Variants in GPM6B observed in about 807,000 individuals in gnomAD.
GPM6B encodes the protein neuronal membrane glycoprotein M6-b.
In GPM6B, 4 loss-of-function variants were observed where a neutral mutation model predicts 27.2. That is an observed-to-expected ratio of 0.15 (90% CI 0.07 to 0.34). The LOEUF (loss-of-function observed/expected upper bound fraction) is 0.34, where lower values mean the gene tolerates loss of function less well. GPM6B is among the 10% of genes least tolerant of loss of function. The pLI is 1.00. For synonymous variants in GPM6B, 124 were observed against 103.1 expected, an observed-to-expected ratio of 1.20 and a Z score of -1.23; for missense variants, 183 against 261.9, an observed-to-expected ratio of 0.70 and a Z score of 2.08.
chrX:13,919,825 G>T (rs2050461066), intron 1 of GPM6B, among the ~76,000 whole-genome samples: 2 of 111,682 alleles, frequency 1.8e-5, no homozygotes, highest in Admixed American at 1.9e-4. Context: ...GAGAAACTGG[G>T]GGATGAGTCT....
chrX:13,826,522 T>C (rs1375934157), intron 1 of GPM6B, among the ~76,000 whole-genome samples: 1 of 108,612 alleles, frequency 9.2e-6, no homozygotes, highest in Non-Finnish European at 1.9e-5. Flanking sequence ...CTGGGCAACA[T>C]AGAAAGACCC....
At chrX:13,827,215 G>A (rs902777130) in intron 1 of GPM6B, among the ~76,000 whole-genome samples, 14 of 108,047 alleles carry the variant, frequency 1.3e-4, no homozygotes, top group Non-Finnish European at 2.3e-4. Flanking sequence ...CCTCCTGAAA[G>A]GCACGGGCTA....
chrX:13,886,719 TAA>T (rs5901522), intron 1 of GPM6B, among the ~76,000 whole-genome samples: 4 of 35,097 alleles, frequency 1.1e-4, no homozygotes, highest in Admixed American at 5.9e-4. Flanking sequence ...AAGTCACTAC[TAA>T]AAAAAAAAAA....
At chrX:13,784,214 G>A (rs764502417) in intron 3 of GPM6B, among the ~76,000 whole-genome samples, 1 of 112,823 alleles carries the variant, frequency 8.9e-6, no homozygotes, top group South Asian at 3.7e-4. Flanking sequence ...CCTGGATCCC[G>A]CCCCCAGAGA....
rs1366847981 is a variant in GPM6B, at chrX:13,890,678, G to A, written c.-198+47649C>T. On this transcript the variant is annotated intron_variant, in intron 1 of 6. Coordinates refer to the GPM6B transcript ENST00000398361. ...GTGGGGAGCTGTTGCACTGTAGGAT[G>A]TTTAGTAGCACCCCTGGACTCTATC... Among the ~76,000 whole-genome samples the A allele has an allele frequency of 4.5e-5, 5 of 110,864 alleles. No homozygotes were observed. The Admixed American group carries it at 4.8e-4, about 11-fold the overall frequency.
At chrX:13,860,380 T>C (rs1219764000) in intron 1 of GPM6B, among the ~76,000 whole-genome samples, 2 of 109,227 alleles carry the variant, frequency 1.8e-5, no homozygotes, top group East Asian at 5.8e-4. Context: ...GTATAAGAAA[T>C]GGCTCCCATG....
rs749652888 is a variant in GPM6B, at chrX:13,788,536, C to G, written c.182-2728G>C. On this transcript the variant is annotated intron_variant, in intron 2 of 7. Coordinates refer to ENST00000316715, the MANE Select transcript of GPM6B (RefSeq NM_001001995.3). ...CCAGATAAAATTGTTCATTAATTCT[C>G]TGTGTGTATATATAGATGTATACAT... is the stretch of plus-strand genomic sequence containing the variant. 1.4e-3 allele frequency among the ~76,000 whole-genome samples: 156 copies of G among 109,148 alleles called. 1 individual carries two copies. The highest frequency in any genetic ancestry group is 3.2e-3 in the South Asian group (8 of 2,486). 94.8% of individuals were successfully genotyped at this position (109,148 alleles called of 115,157 possible). A position where few individuals can be genotyped will look rare whatever the true frequency, so the allele number is the denominator to read the frequency against.
chrX:13,801,181 G>A (rs1278552222), intron 2 of GPM6B, among the ~76,000 whole-genome samples: 2 of 111,647 alleles, frequency 1.8e-5, no homozygotes, highest in African/African-American at 3.3e-5. Context: ...TCCACTTAAC[G>A]GGACTTGGTT....
chrX:13,917,617 A>C (rs967309896), intron 1 of GPM6B, among the ~76,000 whole-genome samples: 1 of 112,510 alleles, frequency 8.9e-6, no homozygotes, highest in African/African-American at 3.2e-5. Flanking sequence ...ATCGTATCTG[A>C]GACTAAAATA....
chrX:13,774,586 A>G (rs1261497320), intron 7 of GPM6B: 1 of 1,209,953 alleles, frequency 8.3e-7, no homozygotes, highest in East Asian at 3.0e-5. Flanking sequence ...TAAACTTCAA[A>G]ACCGCATAGT....
chrX:13,842,945 T>C (rs2049597132), intron 1 of GPM6B, among the ~76,000 whole-genome samples: 1 of 111,703 alleles, frequency 9.0e-6, no homozygotes, highest in Non-Finnish European at 1.9e-5. Context: ...TGACATACCA[T>C]ACAATTCACC....
chrX:13,794,840 C>T (rs185640672), intron 2 of GPM6B, among the ~76,000 whole-genome samples: 14 of 112,005 alleles, frequency 1.2e-4, no homozygotes, highest in Non-Finnish European at 2.4e-4. Context: ...CACAAACCAG[C>T]GTGTGACAGT....
intron 2 of GPM6B, among the ~76,000 whole-genome samples, chrX:13,803,301 C>G (rs754174520): frequency 9.1e-6 from 1 of 110,341 alleles, no homozygotes; most frequent in Admixed American, 9.7e-5. Context: ...AGTCTGCTAC[C>G]CGCCCCCACC....
chrX:13,826,392 G>A (rs1200895194), intron 1 of GPM6B, among the ~76,000 whole-genome samples: 2 of 111,352 alleles, frequency 1.8e-5, no homozygotes, highest in East Asian at 5.6e-4. Flanking sequence ...CCAAATGATC[G>A]GTTTTTAAAC....
chrX:13,887,473 C>T lies in GPM6B; in HGVS notation c.-198+50854G>A, dbSNP rs187675971. The stretch of plus-strand genomic sequence containing the variant: ...CCCACCAGTCTGTTTTTACCACAGA[C>T]CAGTCACAGATTTGAGCCTCCTGGG... On this transcript the variant is annotated intron_variant, in intron 1 of 6. Transcript: ENST00000398361. Among the ~76,000 whole-genome samples, 325 of 111,870 alleles carry T rather than the reference C, an allele frequency of 2.9e-3. 2 individuals carry two copies. Among genetic ancestry groups the T allele is most frequent in the African/African-American group, 0.01 (313 of 30,775 alleles).
chrX:13,796,393 A>G (rs1261437590), intron 2 of GPM6B, among the ~76,000 whole-genome samples: 2 of 112,314 alleles, frequency 1.8e-5, no homozygotes, highest in African/African-American at 3.2e-5. Flanking sequence ...CTAATATAGA[A>G]AATATTTATA....
chrX:13,773,535 A>G (rs13187), intron 7 of GPM6B: 3 of 111,935 alleles, frequency 2.7e-5, no homozygotes, highest in South Asian at 3.7e-4. Context: ...GAATGTCAAA[A>G]CCAAAATTAA....
chrX:13,906,451 C>T (rs1420026956), intron 1 of GPM6B, among the ~76,000 whole-genome samples: 1 of 112,064 alleles, frequency 8.9e-6, no homozygotes, highest in East Asian at 2.8e-4. Flanking sequence ...GAATTTGACT[C>T]TACTGGTCAC....
intron 1 of GPM6B, among the ~76,000 whole-genome samples, chrX:13,876,238 C>T (rs2050031748): frequency 9.0e-6 from 1 of 111,481 alleles, no homozygotes; most frequent in African/African-American, 3.3e-5. Flanking sequence ...AAACAATGGC[C>T]ATCCTCAAGG....
Sources: gnomAD v4.1 joint callset for allele counts (sites outside exome capture counted in the v4.1 genomes callset) on GRCh38, gnomAD v4.1.1 for gene constraint, MANE v1.5 for transcripts, NCBI Gene and HGNC (gene_info 2026-07-23, HGNC 2026-07-21) for gene names.